The following AP1G1 variants were observed in gnomAD, a reference collection of about 807,000 sequenced individuals.
The protein encoded by AP1G1 is AP-1 complex subunit gamma-1.
Under a neutral mutation model 108.3 loss-of-function variants are expected in AP1G1, and 7 were observed. The ratio of observed to expected loss-of-function variants is 0.06; its 90% CI spans 0.04 to 0.12. The LOEUF (loss-of-function observed/expected upper bound fraction) is 0.12, where lower values mean the gene tolerates loss of function less well. Among genes scored for constraint, AP1G1 ranks in the 10% least tolerant of loss-of-function variants. AP1G1 has a pLI of 1.00. For missense variants in AP1G1, 756 were observed against 1,010.7 expected, an observed-to-expected ratio of 0.75 and a Z score of 3.42; for synonymous variants, 379 against 353.5, an observed-to-expected ratio of 1.07 and a Z score of -0.81.
intron 1 of AP1G1, among the ~76,000 whole-genome samples, chr16:71,797,234 A>G (rs2032618686): frequency 6.6e-6 from 1 of 152,088 alleles, no homozygotes; most frequent in Non-Finnish European, 1.5e-5. Context: ...AATTTGGCTT[A>G]AAGACATGAC....
At chr16:71,745,849 A>G (rs570558490) in intron 17 of AP1G1, among the ~76,000 whole-genome samples, 1 of 38,898 alleles carries the variant, frequency 2.6e-5, no homozygotes, top group East Asian at 3.3e-4. Context: ...CCCAAAGCAT[A>G]TATTTCAGTG....
At chr16:71,734,784 C>G in intron 21 of AP1G1, 77 bp from the exon 22 acceptor site, 1 of 1,165,670 alleles carries the variant, frequency 8.6e-7, no homozygotes, top group Non-Finnish European at 1.3e-6. Flanking sequence ...ACCATTTAGA[C>G]ACCCAGATGA....
rs559600117 is a variant in AP1G1 at position 71,748,392 on chromosome 16, G to C, written c.1498-14C>G. On this transcript the variant is annotated splice_polypyrimidine_tract_variant and intron_variant, in intron 15 of 22. Coordinates refer to ENST00000299980, the MANE Select transcript of AP1G1 (RefSeq NM_001128.6). The stretch of plus-strand genomic sequence containing the variant: ...ATCCTCTGTTACCTGAGGAGGAGGA[G>C]GAAAAAGAAGACGATGAAGAATGAG... 4 of 1,604,778 alleles carry C rather than the reference G, an allele frequency of 2.5e-6. No homozygotes were observed. Among genetic ancestry groups the C allele is most frequent in the Admixed American group, 1.8e-5 (1 of 56,498 alleles).
intron 1 of AP1G1, among the ~76,000 whole-genome samples, chr16:71,801,440 C>T (rs966682059): frequency 5.3e-5 from 8 of 151,710 alleles, no homozygotes; most frequent in Admixed American, 5.2e-4. Context: ...CAGTACTTAA[C>T]TAAGCATTGA....
At chr16:71,754,200 A>C (rs763792512) in intron 12 of AP1G1, among the ~76,000 whole-genome samples, 1 of 151,748 alleles carries the variant, frequency 6.6e-6, no homozygotes, top group Non-Finnish European at 1.5e-5. Flanking sequence ...AAGAGAGAGA[A>C]AAGAAAGAGA....
chr16:71,768,960 G>C (rs1309268258), intron 6 of AP1G1, among the ~76,000 whole-genome samples: 41 of 44,930 alleles, frequency 9.1e-4, no homozygotes, highest in East Asian at 2.4e-3. Flanking sequence ...AGAAATTCCT[G>C]CCTTTAAAAA....
chr16:71,791,896 G>A (rs998540766), intron 1 of AP1G1, among the ~76,000 whole-genome samples: 4 of 151,734 alleles, frequency 2.6e-5, no homozygotes, highest in African/African-American at 9.7e-5. Context: ...CAAGTAGGTG[G>A]TATTACAGGC....
chr16:71,806,940 A>G (rs1202029523), intron 1 of AP1G1, among the ~76,000 whole-genome samples: 1 of 152,254 alleles, frequency 6.6e-6, no homozygotes, highest in Non-Finnish European at 1.5e-5. Context: ...TAATGCATCT[A>G]TAAGTGGCTT....
intron 12 of AP1G1, 84 bp downstream of exon 12, chr16:71,755,935 C>T (rs983818186): frequency 8.2e-6 from 12 of 1,471,798 alleles, no homozygotes; most frequent in African/African-American, 5.6e-5. Flanking sequence ...TGTGCCACCG[C>T]GCCCAGCCCC....
At chr16:71,761,318 A>C (rs1458882097) in intron 10 of AP1G1, among the ~76,000 whole-genome samples, 194 bp downstream of exon 10, 2 of 152,238 alleles carry the variant, frequency 1.3e-5, no homozygotes, top group African/African-American at 4.8e-5. Flanking sequence ...TTTACAGAAC[A>C]AATAGGAATA....
chr16:71,793,539 A>G (rs2032477765), intron 1 of AP1G1, among the ~76,000 whole-genome samples: 1 of 152,186 alleles, frequency 6.6e-6, no homozygotes. Context: ...ACAAACAAAT[A>G]AATAAAAACC....
intron 1 of AP1G1, among the ~76,000 whole-genome samples, chr16:71,801,871 G>C (rs1031989243): frequency 6.7e-6 from 1 of 148,738 alleles, no homozygotes; most frequent in Non-Finnish European, 1.5e-5. Flanking sequence ...GCAGTGAGCC[G>C]AGATTGCGCC....
chr16:71,808,207 C>CAAAG (rs981795076), intron 1 of AP1G1: 1 of 1,127,636 alleles, frequency 8.9e-7, no homozygotes, highest in South Asian at 1.9e-5. Context: ...AAAACAACAA[C>CAAAG]ATATACACAC....
At chr16:71,735,167 T>C (rs1179290417) in intron 21 of AP1G1, among the ~76,000 whole-genome samples, 1 of 152,200 alleles carries the variant, frequency 6.6e-6, no homozygotes, top group African/African-American at 2.4e-5. Flanking sequence ...TTTTGTGTGA[T>C]TGGATAACTG....
Position 71,745,922 on chromosome 16 carries a change from A to G in AP1G1, c.1731-308T>C, listed in dbSNP as rs896429697. Among the ~76,000 whole-genome samples the G allele has an allele frequency of 2.6e-5, 4 of 152,364 alleles. No individual in the cohort carries two copies. The East Asian group carries it at 7.7e-4, about 29-fold the overall frequency. On this transcript the variant is annotated intron_variant, in intron 17 of 22. Coordinates refer to ENST00000299980, the MANE Select transcript of AP1G1 (RefSeq NM_001128.6). ...GTATTAACAGTCAAGAAGATACTGT[A>G]TAATAGAAGAATAAAAGATGACCCA...
intron 1 of AP1G1, among the ~76,000 whole-genome samples, chr16:71,800,841 CAA>C (rs1040566138): frequency 6.6e-6 from 1 of 150,874 alleles, no homozygotes; most frequent in Non-Finnish European, 1.5e-5. Flanking sequence ...ACTAAAAATA[CAA>C]ACTTAGCGGG....
chr16:71,790,132 A>G (rs760804983), intron 1 of AP1G1, among the ~76,000 whole-genome samples: 5 of 152,194 alleles, frequency 3.3e-5, no homozygotes, highest in Non-Finnish European at 7.3e-5. Flanking sequence ...AGGGACATAT[A>G]ACAGCCTAAA....
chr16:71,746,644 T>C lies in AP1G1; in HGVS notation c.1674A>G (p.Glu558=), dbSNP rs757888824. 2.9e-5 allele frequency: 47 copies of C among 1,613,162 alleles called. No homozygotes were observed. In the Admixed American group the frequency reaches 7.7e-4, roughly 26 times the overall value. Residue 558 remains glutamate, a synonymous_variant, in exon 17 of 23, where the codon GAA becomes GAG. Coordinates refer to ENST00000299980, the MANE Select transcript of AP1G1 (RefSeq NM_001128.6). Reference sequence around the variant, plus strand: ...TATATTCTACTGCCCTCTGCTGGAGTTCCACATCAATGCTGCTTCCGTAGA... The same window carrying C: ...TATATTCTACTGCCCTCTGCTGGAGCTCCACATCAATGCTGCTTCCGTAGA... The part of the protein sequence containing the change: ...VSIYGSSIDV[E]LQQRAVEYNA...
chr16:71,787,684 G>C (rs1337488466), intron 2 of AP1G1, among the ~76,000 whole-genome samples: 3 of 152,064 alleles, frequency 2.0e-5, no homozygotes, highest in African/African-American at 7.2e-5. Context: ...CGATCAACAA[G>C]AACACGTAGG....
Sources: allele counts gnomAD v4.1 joint callset (sites outside exome capture counted in the v4.1 genomes callset), GRCh38; gene constraint gnomAD v4.1.1; transcripts MANE v1.5; gene names NCBI Gene and HGNC (gene_info 2026-07-23, HGNC 2026-07-21).